Variants in C6orf136 observed in about 807,000 individuals in gnomAD.
The protein encoded by C6orf136 is chromosome 6 open reading frame 136.
In C6orf136, 29 loss-of-function variants were observed where a neutral mutation model predicts 44.0. That is an observed-to-expected ratio of 0.66 (90% confidence interval 0.49 to 0.90). The LOEUF (loss-of-function observed/expected upper bound fraction) is 0.90. Ranked by LOEUF, C6orf136 falls within the 40% of genes least tolerant of loss-of-function variation. The pLI is 0.00. For missense variants in C6orf136, 628 were observed against 669.3 expected (o/e 0.94, Z 0.68); for synonymous variants, 293 against 278.6 (o/e 1.05, Z -0.52).
At chr6:30,652,361 T>G (rs927610150) in intron 4 of C6orf136, among the ~76,000 whole-genome samples, 1 of 152,018 alleles carries the variant, frequency 6.6e-6, no homozygotes, top group Non-Finnish European at 1.5e-5. Context: ...GGGAGTAGAA[T>G]CCCAATAAAT....
At position 30,647,520 on chromosome 6, in the gene C6orf136, G is replaced by C. The variant is rs773509215; in HGVS notation, c.289G>C (p.Gly97Arg). ...TCGCGCAAGGACGTCGGTCCTCCCA[G>C]GTTTGAGGGCGGTCAGGCGGGGTCA... is the stretch of plus-strand genomic sequence containing the variant. ...ACRARTSVLP[G>R]LRAVRRGQGQ... is the part of the protein sequence containing the mutation. Residue 97 changes from glycine (G) to arginine (R), a missense_variant, in exon 1 of 6, where the codon GGT (glycine) becomes CGT (arginine). By Grantham distance (125) the Gly-to-Arg change is moderately radical. This residue lies in a region of C6orf136 where 497 missense variants were observed against 469.2 expected (regional missense o/e 1.06). Transcript: ENST00000651131. This position sits in a 1 kb window ranked among gnomAD's most constrained non-coding sequence, Gnocchi z 4.8. 1.4e-4 allele frequency: 206 copies of C among 1,515,882 alleles called. No homozygotes were observed. The Middle Eastern group carries it at 1.5e-3, about 11-fold the overall frequency. 93.9% of individuals were successfully genotyped at this position (1,515,882 alleles called of 1,614,324 possible). A position where few individuals can be genotyped will look rare whatever the true frequency, so the allele number is the denominator to read the frequency against.
chr6:30,651,609 C>A, intron 4 of C6orf136, 143 bp downstream of exon 4: 1 of 793,688 alleles, frequency 1.3e-6, no homozygotes, highest in Non-Finnish European at 2.0e-6. Flanking sequence ...CGGCTTCCAG[C>A]AATTCTCCAG....
chr6:30,651,179 T>G (rs773122395), intron 3 of C6orf136, 87 bp from the exon 4 acceptor site: 19 of 1,577,102 alleles, frequency 1.2e-5, no homozygotes, highest in Non-Finnish European at 1.6e-5. Context: ...CTAGACTGCT[T>G]CTCACAGCTG....
chr6:30,649,542 TG>T lies in C6orf136; in HGVS notation c.616-15del. On this transcript the variant is annotated splice_polypyrimidine_tract_variant and intron_variant, in intron 1 of 5. Transcript: ENST00000651131. Reference sequence around the variant, plus strand: ...AGTGGATTCTTATCTTTCTCCCTTCTGTTCTTTCTCCTTAGGACCAGCTTTA... The same window carrying T: ...AGTGGATTCTTATCTTTCTCCCTTCTTTCTTTCTCCTTAGGACCAGCTTTA... The T allele has an allele frequency of 4.5e-6, 7 of 1,572,846 alleles. No homozygotes were observed. The highest frequency in any genetic ancestry group is 6.0e-6 in the Non-Finnish European group (7 of 1,169,196).
In C6orf136 at chr6:30,647,355, T is replaced by G; in HGVS notation, c.124T>G (p.Ser42Ala). 1 of 1,532,952 alleles carries G rather than the reference T, an allele frequency of 6.5e-7. No homozygotes were observed. The highest frequency in any genetic ancestry group is 8.7e-7 in the Non-Finnish European group (1 of 1,144,890). 95.0% of individuals were successfully genotyped at this position (1,532,952 alleles called of 1,614,324 possible). The change falls in exon 1 of 6, where the codon TCA becomes GCA. Residue 42 changes from serine to alanine, a missense_variant. Physicochemically the swap from Ser to Ala is moderately conservative, Grantham distance 99. Coordinates refer to ENST00000651131, the MANE Select transcript of C6orf136 (RefSeq NM_001161376.2). This position sits in a 1 kb window ranked among gnomAD's most constrained non-coding sequence, Gnocchi z 4.8. Reference sequence around the variant, plus strand: ...GAGAGGGGGCGGGGAGAGACCCTCCTCAAAGCCGGTGCGTGGGGCGGAGCG... The same window carrying G: ...GAGAGGGGGCGGGGAGAGACCCTCCGCAAAGCCGGTGCGTGGGGCGGAGCG... ...GRRGGGERPS[S>A]KPVRGAERAL...
Position 30,652,658 on chromosome 6 carries a change from G to A in C6orf136, c.1318G>A (p.Ala440Thr). 1 of 1,613,002 alleles carries A rather than the reference G, an allele frequency of 6.2e-7. No individual in the cohort carries two copies. The highest frequency in any genetic ancestry group is 2.2e-5 in the East Asian group (1 of 44,884). The change falls in exon 5 of 6, where the codon GCC becomes ACC. Residue 440 changes from alanine to threonine, a missense_variant. Around this residue, in one of 2 missense-constraint regions of C6orf136, gnomAD observed 131 missense variants for 200.1 expected, o/e 0.65. Coordinates refer to ENST00000651131, the MANE Select transcript of C6orf136 (RefSeq NM_001161376.2). Reference protein sequence around the residue: ...DKDEHYRTYDAYSTFYLNSSG... With the variant: ...DKDEHYRTYDTYSTFYLNSSG... ...CCCTCTATTCCCCAGGACCTATGATGCCTACTCCACTTTCTACCTGAATTC... is the reference window on the plus strand; with the variant it reads ...CCCTCTATTCCCCAGGACCTATGATACCTACTCCACTTTCTACCTGAATTC...
intron 1 of C6orf136, among the ~76,000 whole-genome samples, chr6:30,648,541 G>C (rs1402212670): frequency 2.0e-5 from 3 of 151,506 alleles, no homozygotes; most frequent in Non-Finnish European, 4.4e-5. Context: ...TGGGACTACA[G>C]GCTCCCGCCA....
rs746664675 is a variant in C6orf136 at position 30,647,283 on chromosome 6, G to C, written c.52G>C (p.Ala18Pro). 1.3e-6 allele frequency: 2 copies of C among 1,599,872 alleles called. No individual in the cohort carries two copies. The highest frequency in any genetic ancestry group is 1.7e-5 in the Admixed American group (1 of 58,538). ...CCGGCGTCTCGGCCCTTGCCTGCGC[G>C]CCTACCAGGCTCGACCCCAGGTGAG... ...AARRLGPCLR[A>P]YQARPQVSGG... The change falls in exon 1 of 6, where the codon GCC becomes CCC. Residue 18 changes from alanine (A) to proline (P), a missense_variant. By Grantham distance (27) the Ala-to-Pro change is conservative. Around this residue, in one of 2 missense-constraint regions of C6orf136, gnomAD observed 497 missense variants for 469.2 expected, o/e 1.06. Transcript: ENST00000651131. The surrounding 1 kb of genome is among the most constrained non-coding windows in gnomAD (Gnocchi z 4.8).
At chr6:30,649,402 G>A (rs1453680662) in intron 1 of C6orf136, among the ~76,000 whole-genome samples, 156 bp from the exon 2 acceptor site, 1 of 152,176 alleles carries the variant, frequency 6.6e-6, no homozygotes, top group Non-Finnish European at 1.5e-5. Context: ...CCTGTTTTCA[G>A]TAGAGATGGA....
At position 30,647,656 on chromosome 6, in the gene C6orf136, C is replaced by A; in HGVS notation, c.425C>A (p.Pro142Gln). 6.5e-7 allele frequency: 1 copy of A among 1,549,968 alleles called. No homozygotes were observed. The highest frequency in any genetic ancestry group is 1.2e-5 in the South Asian group (1 of 84,012). ...GREIRSPAAAPSRSSPAQTRP... is the reference protein window; with the variant it reads ...GREIRSPAAAQSRSSPAQTRP... ...GAGATTCGTAGCCCTGCTGCGGCGC[C>A]GTCCCGGAGTTCCCCGGCCCAGACC... Residue 142 changes from proline (P) to glutamine (Q), a missense_variant, in exon 1 of 6, where the codon CCG (proline) becomes CAG (glutamine). This residue lies in a region of C6orf136 where 497 missense variants were observed against 469.2 expected (regional missense o/e 1.06). Coordinates refer to ENST00000651131, the MANE Select transcript of C6orf136 (RefSeq NM_001161376.2). This position sits in a 1 kb window ranked among gnomAD's most constrained non-coding sequence, Gnocchi z 4.8.
chr6:30,649,689 TC>T lies in C6orf136; in HGVS notation c.752del (p.Pro251HisfsTer86). 1 of 1,610,528 alleles carries T rather than the reference TC, an allele frequency of 6.2e-7. No homozygotes were observed. The highest frequency in any genetic ancestry group is 8.5e-7 in the Non-Finnish European group (1 of 1,178,874). Reference protein sequence around the residue: ...RLPTQRLPQVPPLPLPQIQAL... With the variant: ...RLPTQRLPQVXPLPLPQIQAL... ...TTCCCACCCAGCGTCTTCCCCAGGT[TC>T]CCCCACTACCTCTCCCTCAGATCCA... On this transcript the variant is annotated frameshift_variant, in exon 2 of 6. Coordinates refer to ENST00000651131, the MANE Select transcript of C6orf136 (RefSeq NM_001161376.2). LOFTEE classifies it high-confidence loss of function.
At position 30,651,092 on chromosome 6, in the gene C6orf136, G is replaced by A; in HGVS notation, c.1106+10G>A. The stretch of plus-strand genomic sequence containing the variant: ...TCAACATACGTACCAAGTGAGAATT[G>A]GGGCACAGGTAGGGCACTGGGGAGG... On this transcript the variant is annotated intron_variant, in intron 3 of 5. Transcript: ENST00000651131. 2 of 1,611,098 alleles carry A rather than the reference G, an allele frequency of 1.2e-6. No homozygotes were observed. Among genetic ancestry groups the A allele is most frequent in the Non-Finnish European group, 1.7e-6 (2 of 1,177,328 alleles).
In C6orf136 at chr6:30,649,899, G is replaced by A. The variant is rs374620329; in HGVS notation, c.957G>A (p.Pro319=). 3.2e-5 allele frequency: 51 copies of A among 1,613,898 alleles called. No homozygotes were observed. Among genetic ancestry groups the A allele is most frequent in the East Asian group, 8.9e-5 (4 of 44,878 alleles). Residue 319 remains proline, a synonymous_variant, in exon 2 of 6, where the codon CCG becomes CCA. Coordinates refer to ENST00000651131, the MANE Select transcript of C6orf136 (RefSeq NM_001161376.2). The part of the protein sequence containing the change: ...PGTAHPSPAT[P]SGDPSMEEHL... ...CTGCCCACCCTTCCCCTGCCACCCCGTCAGGAGATCCTAGTATGGAGGAAC... is the reference window on the plus strand; with the variant it reads ...CTGCCCACCCTTCCCCTGCCACCCCATCAGGAGATCCTAGTATGGAGGAAC...
chr6:30,650,993 G>A lies in C6orf136; in HGVS notation c.1018-1G>A, dbSNP rs1767351738. ...GGTTGATGCCATCTTCTTCCACCTA[G>A]CTTCCCAAGCTCTTCCTTCAGTCCC... is the stretch of plus-strand genomic sequence containing the variant. On this transcript the variant is annotated splice_acceptor_variant, in intron 2 of 5. Coordinates refer to ENST00000651131, the MANE Select transcript of C6orf136 (RefSeq NM_001161376.2). LOFTEE classifies it high-confidence loss of function. 6.2e-7 allele frequency: 1 copy of A among 1,610,546 alleles called. No individual in the cohort carries two copies. Among genetic ancestry groups the A allele is most frequent in the African/African-American group, 1.3e-5 (1 of 74,744 alleles).
chr6:30,650,831 G>C (rs1025969448), intron 2 of C6orf136, among the ~76,000 whole-genome samples, 163 bp from the exon 3 acceptor site: 1 of 150,230 alleles, frequency 6.7e-6, no homozygotes. Context: ...AGAATCGCTT[G>C]AACCTAGGAG....
At chr6:30,652,280 CACA>C (rs1260952410) in intron 4 of C6orf136, among the ~76,000 whole-genome samples, 1 of 126,206 alleles carries the variant, frequency 7.9e-6, no homozygotes, top group Non-Finnish European at 1.7e-5. Flanking sequence ...CACACACACA[CACA>C]AAAGTACTGA....
rs1026530312 is a variant in C6orf136, at chr6:30,647,465, G to C, written c.234G>C (p.Ala78=). The C allele has an allele frequency of 4.7e-6, 7 of 1,482,106 alleles. No individual in the cohort carries two copies. The highest frequency in any genetic ancestry group is 1.3e-5 in the South Asian group (1 of 74,138). The allele number at this position is 1,482,106 out of a possible 1,614,324, so 91.8% of individuals were successfully genotyped here. ...AGCGCGTGGACAGGCTAGGGGTCGC[G>C]GGAGCGGGAGGGAGGCGCTGCCGGG... The part of the protein sequence containing the change: ...ALQRVDRLGV[A]GAGGRRCRAC... The change falls in exon 1 of 6, where the codon GCG becomes GCC. Residue 78 remains alanine (A), a synonymous_variant. Coordinates refer to ENST00000651131, the MANE Select transcript of C6orf136 (RefSeq NM_001161376.2). The surrounding 1 kb of genome is among the most constrained non-coding windows in gnomAD (Gnocchi z 4.8).
In C6orf136 at chr6:30,647,201, C is replaced by T. The variant is rs997771627; in HGVS notation, c.-31C>T. The stretch of plus-strand genomic sequence containing the variant: ...CTGTGAGGAGGCCGGAGGTCGGACT[C>T]AGGAGGCTCCTTCTCCACTCCCGGA... On this transcript the variant is annotated 5_prime_UTR_variant, in exon 1 of 6. Coordinates refer to ENST00000651131, the MANE Select transcript of C6orf136 (RefSeq NM_001161376.2). This position sits in a 1 kb window ranked among gnomAD's most constrained non-coding sequence, Gnocchi z 4.8. 13 of 1,545,052 alleles carry T rather than the reference C, an allele frequency of 8.4e-6. No individual in the cohort carries two copies. Among genetic ancestry groups the T allele is most frequent in the Non-Finnish European group, 9.5e-6 (11 of 1,153,798 alleles).
intron 2 of C6orf136, among the ~76,000 whole-genome samples, chr6:30,650,551 G>A (rs1308513886): frequency 1.3e-5 from 2 of 151,852 alleles, no homozygotes; most frequent in African/African-American, 4.8e-5. Context: ...TTGGGAGGCC[G>A]AGGCAGGCGG....
Sources: gnomAD v4.1 joint callset for allele counts (sites outside exome capture counted in the v4.1 genomes callset) on GRCh38, gnomAD v4.1.1 for gene constraint, gnomAD v4.1.1 regional missense constraint, Gnocchi (gnomAD v3.1) non-coding constraint, MANE v1.5 for transcripts, NCBI Gene and HGNC (gene_info 2026-07-23, HGNC 2026-07-21) for gene names.